The following STPG4 variants were observed in gnomAD, a reference collection of about 807,000 sequenced individuals.
STPG4 encodes the protein sperm-tail PG-rich repeat containing 4.
A neutral mutation model predicts 31.5 loss-of-function variants in STPG4; 41 were observed. The observed-to-expected ratio is 1.30, with a 90% CI of 1.01 to 1.69. The LOEUF (loss-of-function observed/expected upper bound fraction) is 1.69. STPG4 is among the 40% of genes most tolerant of loss of function. The pLI is 0.00. For synonymous variants in STPG4, 141 were observed against 103.0 expected, an observed-to-expected ratio of 1.37 and a Z score of -2.24; for missense variants, 375 against 293.4, an observed-to-expected ratio of 1.28 and a Z score of -2.03.
intron 5 of STPG4, among the ~76,000 whole-genome samples, chr2:47,103,640 T>A (rs1250970017): frequency 6.6e-6 from 1 of 151,886 alleles, no homozygotes; most frequent in East Asian, 1.9e-4. Context: ...TAAAAAAGAT[T>A]GTCCAATGAG....
At chr2:47,147,721 G>A (rs939882327) in intron 3 of STPG4, among the ~76,000 whole-genome samples, 6 of 152,034 alleles carry the variant, frequency 3.9e-5, no homozygotes, top group African/African-American at 1.5e-4. Context: ...GTAACCCAGG[G>A]GTCAGTGGAG....
rs1046839419 is a variant in STPG4, at chr2:47,151,108, G to T, written c.399+150C>A. 7.1e-6 allele frequency: 7 copies of T among 987,722 alleles called. No homozygotes were observed. In the African/African-American group the frequency reaches 1.2e-4, roughly 16 times the overall value. 61.2% of individuals were successfully genotyped at this position (987,722 alleles called of 1,614,324 possible). A position where few individuals can be genotyped will look rare whatever the true frequency, so the allele number is the denominator to read the frequency against. On this transcript the variant is annotated intron_variant, in intron 3 of 6. Transcript: ENST00000445927. ...TCTTACTGGAAACATTTGCAAATCA[G>T]GCAGTCCTTGTTTGATTTCTACGGG... is the stretch of plus-strand genomic sequence containing the variant.
chr2:47,090,629 T>TC (rs927349292), intron 5 of STPG4, among the ~76,000 whole-genome samples: 18 of 152,186 alleles, frequency 1.2e-4, no homozygotes, highest in Admixed American at 4.6e-4. Flanking sequence ...GCCTCCCTTC[T>TC]CCCTGCCAGG....
At chr2:47,154,976 T>C (rs1000208697) in intron 1 of STPG4, among the ~76,000 whole-genome samples, 195 bp downstream of exon 1, 1 of 150,980 alleles carries the variant, frequency 6.6e-6, no homozygotes, top group African/African-American at 2.4e-5. Context: ...GGAAAAGAAA[T>C]AAAACAAAGG....
intron 3 of STPG4, among the ~76,000 whole-genome samples, chr2:47,134,944 A>C (rs1686566617): frequency 6.6e-6 from 1 of 152,184 alleles, no homozygotes; most frequent in South Asian, 2.1e-4. Flanking sequence ...TTCCCTGATG[A>C]CATATGATGT....
chr2:47,114,482 G>A (rs1193986587), intron 5 of STPG4, among the ~76,000 whole-genome samples: 3 of 152,082 alleles, frequency 2.0e-5, no homozygotes, highest in African/African-American at 7.2e-5. Context: ...ACTCCCGCCT[G>A]GGTGACACAG....
intron 5 of STPG4, among the ~76,000 whole-genome samples, chr2:47,115,906 G>A (rs1013853725): frequency 3.9e-5 from 6 of 152,038 alleles, no homozygotes; most frequent in African/African-American, 1.2e-4. Context: ...CACCTGCCTC[G>A]GGCTTCCAAA....
chr2:47,142,189 G>T (rs1382245195), intron 3 of STPG4, among the ~76,000 whole-genome samples: 1 of 151,864 alleles, frequency 6.6e-6, no homozygotes, highest in Non-Finnish European at 1.5e-5. Context: ...GTTCAAGGAT[G>T]TATTTTGAAC....
intron 5 of STPG4, among the ~76,000 whole-genome samples, chr2:47,121,717 A>G (rs1686274726): frequency 6.6e-6 from 1 of 152,172 alleles, no homozygotes; most frequent in African/African-American, 2.4e-5. Flanking sequence ...CAGCAGGGCC[A>G]TGCTCCCTCC....
chr2:47,120,409 C>T (rs983472390), intron 5 of STPG4, among the ~76,000 whole-genome samples: 1 of 152,040 alleles, frequency 6.6e-6, no homozygotes, highest in Middle Eastern at 3.4e-3. Context: ...GTGACTTTTT[C>T]CAGGTCCCAC....
At chr2:47,153,171 A>T (rs1003443702) in intron 1 of STPG4, among the ~76,000 whole-genome samples, 155 bp from the exon 2 acceptor site, 2 of 152,210 alleles carry the variant, frequency 1.3e-5, no homozygotes, top group African/African-American at 4.8e-5. Flanking sequence ...ATTTGCCCAT[A>T]TTTCCTTAAA....
chr2:47,088,789 G>A (rs935515076), intron 6 of STPG4, among the ~76,000 whole-genome samples: 5 of 152,194 alleles, frequency 3.3e-5, no homozygotes, highest in African/African-American at 1.2e-4. Context: ...AAAAGCAGAG[G>A]AGCAGCCTGG....
At chr2:47,155,104 TG>T in intron 1 of STPG4, 66 bp downstream of exon 1, 1 of 1,472,422 alleles carries the variant, frequency 6.8e-7, no homozygotes, top group Non-Finnish European at 9.5e-7. Context: ...TAGAGAGCGG[TG>T]GGAAAAGGGT....
At chr2:47,140,919 G>A (rs1484311313) in intron 3 of STPG4, among the ~76,000 whole-genome samples, 1 of 151,194 alleles carries the variant, frequency 6.6e-6, no homozygotes, top group Non-Finnish European at 1.5e-5. Context: ...TTTTAAGACA[G>A]GGTCTCACTC....
chr2:47,088,021 G>C (rs1055988038), intron 6 of STPG4, among the ~76,000 whole-genome samples: 1 of 152,218 alleles, frequency 6.6e-6, no homozygotes, highest in South Asian at 2.1e-4. Flanking sequence ...CTGAAGTGTT[G>C]GGATTACAGG....
chr2:47,147,044 G>T, intron 3 of STPG4, among the ~76,000 whole-genome samples: 1 of 152,230 alleles, frequency 6.6e-6, no homozygotes, highest in East Asian at 1.9e-4. Flanking sequence ...GGAAGCTAAG[G>T]GGGAGGATTG....
At chr2:47,113,985 G>A (rs1181429282) in intron 5 of STPG4, among the ~76,000 whole-genome samples, 2 of 149,490 alleles carry the variant, frequency 1.3e-5, no homozygotes, top group Admixed American at 6.7e-5. Context: ...AGTGAGCCGA[G>A]ATCACTGCAC....
intron 1 of STPG4, among the ~76,000 whole-genome samples, chr2:47,154,300 T>A (rs1191475975): frequency 1.3e-5 from 2 of 152,240 alleles, no homozygotes; most frequent in South Asian, 2.1e-4. Context: ...GAGATTTATG[T>A]TGAATCTTCT....
intron 5 of STPG4, among the ~76,000 whole-genome samples, chr2:47,103,271 G>A (rs1016974541): frequency 2.0e-5 from 3 of 151,972 alleles, no homozygotes; most frequent in South Asian, 2.1e-4. Context: ...TGCCTTCCTC[G>A]AGCAGCTACG....
Sources: gnomAD v4.1 joint callset for allele counts (sites outside exome capture counted in the v4.1 genomes callset) on GRCh38, gnomAD v4.1.1 for gene constraint, MANE v1.5 for transcripts, NCBI Gene and HGNC (gene_info 2026-07-23, HGNC 2026-07-21) for gene names.